The following FGF5 variants were observed in gnomAD, a reference collection of about 807,000 sequenced individuals.
FGF5 encodes the protein fibroblast growth factor 5, also known as heparin-binding growth factor 5.
In FGF5, 23 loss-of-function variants were observed where a neutral mutation model predicts 21.8. The ratio of observed to expected loss-of-function variants is 1.05; its 90% CI spans 0.76 to 1.49. The LOEUF is 1.49. Ranked by LOEUF, FGF5 falls within the 40% of genes most tolerant of loss-of-function variation. FGF5 has a pLI of 0.00. For synonymous variants in FGF5, 158 were observed against 124.0 expected (o/e 1.27, Z -1.82); for missense variants, 352 against 332.9 (o/e 1.06, Z -0.45).
rs1340074939 is a variant in FGF5, at chr4:80,273,379, T to C, written c.356-1530T>C. On this transcript the variant is annotated intron_variant, in intron 1 of 2. Coordinates refer to ENST00000312465, the MANE Select transcript of FGF5 (RefSeq NM_004464.4). ...TCACATAAACTTTCTAATCAAGTTT[T>C]TTAAGAAACCAAGTTGAATAAATAA... Among the ~76,000 whole-genome samples, 7 of 152,142 alleles carry C rather than the reference T, an allele frequency of 4.6e-5. No homozygotes were observed. The East Asian group carries it at 1.3e-3, about 29-fold the overall frequency.
At chr4:80,279,970 T>C (rs1025526525) in intron 2 of FGF5, among the ~76,000 whole-genome samples, 4 of 152,174 alleles carry the variant, frequency 2.6e-5, no homozygotes, top group African/African-American at 9.6e-5. Context: ...CTGGCTTGCC[T>C]GGGATGAGAC....
chr4:80,271,418 G>A lies in FGF5; in HGVS notation c.356-3491G>A, dbSNP rs377696568. ...CAAAGAGAATAATTCCTTCTGTTAA[G>A]CATTCTCCTCTTCTTTTGACCCTCT... is the stretch of plus-strand genomic sequence containing the variant. On this transcript the variant is annotated intron_variant, in intron 1 of 2. Coordinates refer to ENST00000312465, the MANE Select transcript of FGF5 (RefSeq NM_004464.4). Among the ~76,000 whole-genome samples the A allele has an allele frequency of 1.6e-4, 24 of 152,184 alleles. No homozygotes were observed. In the East Asian group the frequency reaches 1.9e-3, roughly 12 times the overall value.
chr4:80,285,967 G>A (rs1003165455), intron 2 of FGF5, among the ~76,000 whole-genome samples: 2 of 152,020 alleles, frequency 1.3e-5, no homozygotes, highest in African/African-American at 2.4e-5. Flanking sequence ...TAGTGAGTTA[G>A]GAGGAAAAAC....
chr4:80,271,183 A>C (rs988940880), intron 1 of FGF5, among the ~76,000 whole-genome samples: 4 of 152,250 alleles, frequency 2.6e-5, no homozygotes, highest in African/African-American at 9.6e-5. Flanking sequence ...GAAAAAGGAA[A>C]AATGTGTATA....
In FGF5 at chr4:80,289,146, A is replaced by C. The variant is rs543083583; in HGVS notation, c.*2474A>C. The C allele has an allele frequency of 6.6e-5, 10 of 152,152 alleles. No homozygotes were observed. Among genetic ancestry groups the C allele is most frequent in the African/African-American group, 2.2e-4 (9 of 41,466 alleles). 9.4% of individuals were successfully genotyped at this position (152,152 alleles called of 1,614,324 possible). ...GTAGCTGGGATTACAGACTCATGCC[A>C]CCACGCCAGCTAATTTTTGTATTTT... On this transcript the variant is annotated 3_prime_UTR_variant, in exon 3 of 3. Coordinates refer to ENST00000312465, the MANE Select transcript of FGF5 (RefSeq NM_004464.4).
rs201742375 is a variant in FGF5 at position 80,286,402 on chromosome 4, T to C, written c.537T>C (p.His179=). ...ATAATACCTATGCCTCAGCAATACA[T>C]AGAACTGAAAAAACAGGGCGGGAGT... ...NSYNTYASAI[H]RTEKTGREWY... The change falls in exon 3 of 3, where the codon CAT becomes CAC. Residue 179 remains histidine, a synonymous_variant. Transcript: ENST00000312465. The C allele has an allele frequency of 3.7e-6, 6 of 1,613,858 alleles. No homozygotes were observed. Among genetic ancestry groups the C allele is most frequent in the African/African-American group, 2.7e-5 (2 of 74,978 alleles).
In FGF5 at chr4:80,289,311, G is replaced by C. The variant is rs542773529; in HGVS notation, c.*2639G>C. The C allele has an allele frequency of 2.6e-5, 4 of 152,056 alleles. No individual in the cohort carries two copies. The highest frequency in any genetic ancestry group is 5.9e-5 in the Non-Finnish European group (4 of 68,004). The allele number at this position is 152,056 out of a possible 1,614,324, so 9.4% of individuals were successfully genotyped here. ...TACAATGATGTATAATTAATGCTTA[G>C]TGAAGCATAAAGTTACCTACATCAA... On this transcript the variant is annotated 3_prime_UTR_variant, in exon 3 of 3. Coordinates refer to ENST00000312465, the MANE Select transcript of FGF5 (RefSeq NM_004464.4).
intron 1 of FGF5, among the ~76,000 whole-genome samples, chr4:80,273,687 T>G (rs1293627573): frequency 1.3e-5 from 2 of 152,052 alleles, no homozygotes; most frequent in African/African-American, 2.4e-5. Flanking sequence ...TCCTTCTTTG[T>G]TTCCTTCTTT....
At chr4:80,280,115 C>A (rs553836628) in intron 2 of FGF5, among the ~76,000 whole-genome samples, 35 of 152,306 alleles carry the variant, frequency 2.3e-4, no homozygotes, top group African/African-American at 8.2e-4. Flanking sequence ...ACTTACTAAG[C>A]ACTCCACTCT....
chr4:80,290,308 G>A lies in FGF5; in HGVS notation c.*3636G>A, dbSNP rs1330775552. On this transcript the variant is annotated 3_prime_UTR_variant, in exon 3 of 3. Coordinates refer to ENST00000312465, the MANE Select transcript of FGF5 (RefSeq NM_004464.4). Reference sequence around the variant, plus strand: ...ATAAAATTTTTTAAAAGTTTTGAAGGAAACCTCTGGATAAATGGACAAGGC... The same window carrying A: ...ATAAAATTTTTTAAAAGTTTTGAAGAAAACCTCTGGATAAATGGACAAGGC... 6.6e-6 allele frequency: 1 copy of A among 151,996 alleles called. No individual in the cohort carries two copies. The highest frequency in any genetic ancestry group is 1.5e-5 in the Non-Finnish European group (1 of 67,982). 9.4% of individuals were successfully genotyped at this position (151,996 alleles called of 1,614,324 possible).
chr4:80,274,659 T>C (rs1294298296), intron 1 of FGF5, among the ~76,000 whole-genome samples: 1 of 152,112 alleles, frequency 6.6e-6, no homozygotes, highest in African/African-American at 2.4e-5. Flanking sequence ...AAGCAACTTA[T>C]TTGTCCAAAT....
intron 1 of FGF5, among the ~76,000 whole-genome samples, chr4:80,270,803 A>T (rs1720250975): frequency 1.3e-5 from 2 of 152,244 alleles, no homozygotes; most frequent in South Asian, 4.1e-4. Flanking sequence ...TTCCAAGCAC[A>T]TATTTTGGTT....
At chr4:80,268,035 G>A (rs1324753837) in intron 1 of FGF5, among the ~76,000 whole-genome samples, 1 of 152,202 alleles carries the variant, frequency 6.6e-6, no homozygotes, top group Non-Finnish European at 1.5e-5. Context: ...TGGTAGGGGT[G>A]CAGATTTTGT....
In FGF5 at chr4:80,289,582, T is replaced by C. The variant is rs1560504115; in HGVS notation, c.*2910T>C. 1 of 152,090 alleles carries C rather than the reference T, an allele frequency of 6.6e-6. No homozygotes were observed. Among genetic ancestry groups the C allele is most frequent in the Admixed American group, 6.5e-5 (1 of 15,274 alleles). 9.4% of individuals were successfully genotyped at this position (152,090 alleles called of 1,614,324 possible). Reference sequence around the variant, plus strand: ...AAACATCTCCAGACTAACATGTCAGTTTTATCAATTATATTATGTTTAATT... The same window carrying C: ...AAACATCTCCAGACTAACATGTCAGCTTTATCAATTATATTATGTTTAATT... On this transcript the variant is annotated 3_prime_UTR_variant, in exon 3 of 3. Coordinates refer to ENST00000312465, the MANE Select transcript of FGF5 (RefSeq NM_004464.4).
Position 80,267,081 on chromosome 4 carries a change from G to T in FGF5, c.257G>T (p.Arg86Leu), listed in dbSNP as rs888543317. 5 of 1,614,072 alleles carry T rather than the reference G, an allele frequency of 3.1e-6. No individual in the cohort carries two copies. In the African/African-American group the frequency reaches 4.0e-5, roughly 13 times the overall value. The part of the protein sequence containing the change: ...QSSFQWSPSG[R>L]RTGSLYCRVG... ...AGTTTCCAGTGGAGCCCCTCGGGGC[G>T]CCGGACCGGCAGCCTCTACTGCAGA... Residue 86 changes from arginine (R) to leucine (L), a missense_variant, in exon 1 of 3, where the codon CGC becomes CTC. Physicochemically the swap from Arg to Leu is moderately radical, Grantham distance 102. Transcript: ENST00000312465.
At position 80,286,578 on chromosome 4, in the gene FGF5, A is replaced by G. The variant is rs890812890; in HGVS notation, c.713A>G (p.Lys238Arg). The change falls in exon 3 of 3, where the codon AAG becomes AGG. Residue 238 changes from lysine to arginine, a missense_variant. By Grantham distance (26) the Lys-to-Arg change is conservative. Coordinates refer to ENST00000312465, the MANE Select transcript of FGF5 (RefSeq NM_004464.4). ...ACGGTTACTGTTCCTGAAAAGAAAA[A>G]GCCACCTAGCCCTATCAAGCCAAAG... ...SFTVTVPEKK[K>R]PPSPIKPKIP... 1 of 1,614,046 alleles carries G rather than the reference A, an allele frequency of 6.2e-7. No homozygotes were observed.
intron 2 of FGF5, among the ~76,000 whole-genome samples, chr4:80,283,383 C>T (rs1720611108): frequency 1.3e-5 from 2 of 151,840 alleles, no homozygotes; most frequent in South Asian, 4.2e-4. Context: ...GAATATGAAT[C>T]TCGAGGAAAA....
Position 80,267,071 on chromosome 4 carries a change from C to G in FGF5, c.247C>G (p.Pro83Ala), listed in dbSNP as rs781196484. The G allele has an allele frequency of 6.2e-7, 1 of 1,614,206 alleles. No individual in the cohort carries two copies. Among genetic ancestry groups the G allele is most frequent in the South Asian group, 1.1e-5 (1 of 91,084 alleles). Residue 83 changes from proline (P) to alanine (A), a missense_variant, in exon 1 of 3, where the codon CCC (proline) becomes GCC (alanine). Physicochemically the swap from Pro to Ala is conservative, Grantham distance 27. Coordinates refer to ENST00000312465, the MANE Select transcript of FGF5 (RefSeq NM_004464.4). ...GGAGCAGAGCAGTTTCCAGTGGAGC[C>G]CCTCGGGGCGCCGGACCGGCAGCCT... ...GLEQSSFQWS[P>A]SGRRTGSLYC... is the part of the protein sequence containing the mutation.
rs759528176 is a variant in FGF5, at chr4:80,286,283, G to T, written c.460-42G>T. On this transcript the variant is annotated intron_variant, in intron 2 of 2. Transcript: ENST00000312465. ...CTTATGTTTTATTACATGCTGAAAA[G>T]ATCGCCACAACTTAAATTTCCTCTT... 6 of 1,370,648 alleles carry T rather than the reference G, an allele frequency of 4.4e-6. No individual in the cohort carries two copies. In the African/African-American group the frequency reaches 5.8e-5, roughly 13 times the overall value. 84.9% of individuals were successfully genotyped at this position (1,370,648 alleles called of 1,614,324 possible). A position where few individuals can be genotyped will look rare whatever the true frequency, so the allele number is the denominator to read the frequency against.
Sources: allele counts gnomAD v4.1 joint callset (sites outside exome capture counted in the v4.1 genomes callset), GRCh38; gene constraint gnomAD v4.1.1; transcripts MANE v1.5; gene names NCBI Gene and HGNC (gene_info 2026-07-23, HGNC 2026-07-21).